The following AGBL4 variants were observed in gnomAD, a reference collection of about 807,000 sequenced individuals.
The protein encoded by AGBL4 is AGBL carboxypeptidase 4, also known as cytosolic carboxypeptidase 6.
In AGBL4, 58 loss-of-function variants were observed where a neutral mutation model predicts 66.4. That is an observed-to-expected ratio of 0.87 (90% CI 0.71 to 1.09). AGBL4 has a LOEUF of 1.09. Ranked by LOEUF, AGBL4 falls within the 50% of genes least tolerant of loss-of-function variation. The pLI is 0.00. For missense variants in AGBL4, 579 were observed against 631.0 expected, an observed-to-expected ratio of 0.92 and a Z score of 0.88; for synonymous variants, 234 against 222.9, an observed-to-expected ratio of 1.05 and a Z score of -0.44.
chr1:48,960,923 C>T (rs1424248729), intron 5 of AGBL4, among the ~76,000 whole-genome samples: 1 of 152,206 alleles, frequency 6.6e-6, no homozygotes, highest in Non-Finnish European at 1.5e-5. Context: ...CTATAATACA[C>T]ACTCTGCAAT....
chr1:49,456,615 G>C (rs779341991), intron 3 of AGBL4, among the ~76,000 whole-genome samples: 1 of 151,356 alleles, frequency 6.6e-6, no homozygotes, highest in Non-Finnish European at 1.5e-5. Flanking sequence ...GTAACACATG[G>C]TGTTTGCTTA....
chr1:49,689,521 G>A (rs1476605897), intron 3 of AGBL4, among the ~76,000 whole-genome samples: 2 of 152,094 alleles, frequency 1.3e-5, no homozygotes, highest in Non-Finnish European at 2.9e-5. Flanking sequence ...CTCCAGTTTT[G>A]TTATTTTTGC....
In AGBL4 at chr1:49,369,305, C is replaced by T. The variant is rs532471015; in HGVS notation, c.283-123441G>A. Among the ~76,000 whole-genome samples, 7 of 152,314 alleles carry T rather than the reference C, an allele frequency of 4.6e-5. No homozygotes were observed. In the East Asian group the frequency reaches 9.6e-4, roughly 21 times the overall value. ...TCAGCTTTTAAAAAACTATTCATAACAGCATAATCCTTTTTACAAAGCAAA... is the reference window on the plus strand; with the variant it reads ...TCAGCTTTTAAAAAACTATTCATAATAGCATAATCCTTTTTACAAAGCAAA... On this transcript the variant is annotated intron_variant, in intron 3 of 13. Transcript: ENST00000371839.
intron 6 of AGBL4, among the ~76,000 whole-genome samples, chr1:48,760,176 G>C (rs1644179572): frequency 6.6e-6 from 1 of 152,168 alleles, no homozygotes; most frequent in African/African-American, 2.4e-5. Context: ...AATTATCCAG[G>C]ACCCCCTCCA....
chr1:49,465,729 A>T (rs1646617447), intron 3 of AGBL4, among the ~76,000 whole-genome samples: 1 of 151,824 alleles, frequency 6.6e-6, no homozygotes, highest in African/African-American at 2.4e-5. Flanking sequence ...TTTGGTAATA[A>T]ATCACACATT....
chr1:49,157,560 A>G (rs1009278900), intron 4 of AGBL4, among the ~76,000 whole-genome samples: 2 of 152,128 alleles, frequency 1.3e-5, no homozygotes, highest in Non-Finnish European at 2.9e-5. Flanking sequence ...ATGTGTCTTT[A>G]TAGTAGAATG....
chr1:49,117,065 G>GTT lies in AGBL4; in HGVS notation c.378-71267_378-71266dup, dbSNP rs1411380926. Among the ~76,000 whole-genome samples the GTT allele has an allele frequency of 3.2e-4, 47 of 146,420 alleles. 1 individual carries two copies. In the South Asian group the frequency reaches 9.3e-3, roughly 29 times the overall value. The stretch of plus-strand genomic sequence containing the variant: ...TATCCTTTGCCCACTTTTTGATGGG[G>GTT]TTTTTTTTTTTCCTTGTAAATTTGT... On this transcript the variant is annotated intron_variant, in intron 4 of 13. Transcript: ENST00000371839.
At chr1:49,927,721 A>G (rs1433977989) in intron 1 of AGBL4, among the ~76,000 whole-genome samples, 1 of 152,186 alleles carries the variant, frequency 6.6e-6, no homozygotes, top group African/African-American at 2.4e-5. Flanking sequence ...CATCTACGAG[A>G]TCTAGAAAAT....
At chr1:49,391,373 A>T (rs887075270) in intron 3 of AGBL4, among the ~76,000 whole-genome samples, 5 of 152,182 alleles carry the variant, frequency 3.3e-5, no homozygotes, top group Non-Finnish European at 7.3e-5. Context: ...ACTGAAAGGG[A>T]TCAGACTTGA....
chr1:49,316,018 A>C (rs1362319419), intron 3 of AGBL4, among the ~76,000 whole-genome samples: 2 of 152,182 alleles, frequency 1.3e-5, no homozygotes, highest in East Asian at 1.9e-4. Flanking sequence ...TGAAAAGGGT[A>C]CATACTACAT....
intron 3 of AGBL4, among the ~76,000 whole-genome samples, chr1:49,521,241 T>C (rs1272927772): frequency 6.6e-6 from 1 of 152,078 alleles, no homozygotes; most frequent in Non-Finnish European, 1.5e-5. Flanking sequence ...ATGTTATTTT[T>C]CACAGAATTA....
Position 49,948,092 on chromosome 1 carries a change from GTATA to G in AGBL4, c.34+75667_34+75670del, listed in dbSNP as rs1553151869. ...TATATGTAAATATATGTAAATATAT[GTATA>G]TGTATATATATGTAAATGTATGTAA... is the stretch of plus-strand genomic sequence containing the variant. On this transcript the variant is annotated intron_variant, in intron 1 of 13. Transcript: ENST00000371839. Among the ~76,000 whole-genome samples the G allele has an allele frequency of 2.4e-3, 185 of 78,578 alleles. 1 individual carries two copies. Among genetic ancestry groups the G allele is most frequent in the South Asian group, 5.5e-3 (11 of 2,008 alleles). The allele number at this position is 78,578 out of a possible 152,430, so 51.6% of individuals were successfully genotyped here. A position where few individuals can be genotyped will look rare whatever the true frequency, so the allele number is the denominator to read the frequency against.
At chr1:49,656,986 A>G (rs1646151156) in intron 3 of AGBL4, among the ~76,000 whole-genome samples, 1 of 152,290 alleles carries the variant, frequency 6.6e-6, no homozygotes, top group Middle Eastern at 3.4e-3. Flanking sequence ...TATTCAACAT[A>G]GTGTTGGAAG....
At chr1:48,842,722 G>C (rs949202512) in intron 6 of AGBL4, among the ~76,000 whole-genome samples, 1 of 152,076 alleles carries the variant, frequency 6.6e-6, no homozygotes, top group Non-Finnish European at 1.5e-5. Context: ...TGCACATCCA[G>C]GTTCTTAGCA....
At chr1:49,378,494 A>G (rs1644519396) in intron 3 of AGBL4, among the ~76,000 whole-genome samples, 1 of 152,084 alleles carries the variant, frequency 6.6e-6, no homozygotes, top group South Asian at 2.1e-4. Flanking sequence ...TGAGGTAAGG[A>G]ATGAGAGAGA....
At chr1:49,634,043 A>T (rs1466470793) in intron 3 of AGBL4, among the ~76,000 whole-genome samples, 1 of 151,708 alleles carries the variant, frequency 6.6e-6, no homozygotes, top group East Asian at 1.9e-4. Context: ...AGATATTTAC[A>T]TTATTTTCTT....
chr1:48,942,277 G>A (rs913563962), intron 5 of AGBL4, among the ~76,000 whole-genome samples: 7 of 149,404 alleles, frequency 4.7e-5, no homozygotes, highest in Admixed American at 1.3e-4. Flanking sequence ...TCCTCCAATC[G>A]TCTACTTAGA....
At chr1:48,773,859 CAG>C (rs1403096971) in intron 6 of AGBL4, among the ~76,000 whole-genome samples, 1 of 152,170 alleles carries the variant, frequency 6.6e-6, no homozygotes, top group African/African-American at 2.4e-5. Flanking sequence ...AGAGGACTAA[CAG>C]AGATAATGTG....
At chr1:49,927,317 T>C (rs1007010185) in intron 1 of AGBL4, among the ~76,000 whole-genome samples, 1 of 152,130 alleles carries the variant, frequency 6.6e-6, no homozygotes, top group South Asian at 2.1e-4. Context: ...CTGAGATTAG[T>C]AATTTATAAA....
Sources: allele counts gnomAD v4.1 joint callset (sites outside exome capture counted in the v4.1 genomes callset), GRCh38; gene constraint gnomAD v4.1.1; transcripts MANE v1.5; gene names NCBI Gene and HGNC (gene_info 2026-07-23, HGNC 2026-07-21).